Variants in MXD4 observed in about 807,000 individuals in gnomAD.
MXD4 encodes the protein MAX dimerization protein 4.
A neutral mutation model predicts 24.5 loss-of-function variants in MXD4; 16 were observed. The observed-to-expected ratio is 0.65, with a 90% CI of 0.44 to 0.99. The LOEUF is 0.99. MXD4 is among the 50% of genes least tolerant of loss of function. MXD4 has a pLI of 0.00. For synonymous variants in MXD4, 164 were observed against 134.2 expected (o/e 1.22, Z -1.54); for missense variants, 301 against 301.5 (o/e 1.00, Z 0.01).
chr4:2,250,494 T>C lies in MXD4; in HGVS notation c.*50A>G. 1 of 1,500,448 alleles carries C rather than the reference T, an allele frequency of 6.7e-7. No homozygotes were observed. The highest frequency in any genetic ancestry group is 8.9e-7 in the Non-Finnish European group (1 of 1,123,160). The allele number at this position is 1,500,448 out of a possible 1,614,324, so 92.9% of individuals were successfully genotyped here. On this transcript the variant is annotated 3_prime_UTR_variant, in exon 6 of 6. Transcript: ENST00000337190. ...GTCAACTGAAGGAGAACTGGAGGGC[T>C]GACACGCGTGGCTGGCGGGCAGGCA...
chr4:2,257,915 C>T lies in MXD4; in HGVS notation c.194+67G>A, dbSNP rs1432753302. ...CCGGGACAGGGGCAGGCTCAACGCA[C>T]CACACACCCTCAGTAAAAGGGTGGG... On this transcript the variant is annotated intron_variant, in intron 3 of 5. Coordinates refer to ENST00000337190, the MANE Select transcript of MXD4 (RefSeq NM_006454.3). 19 of 1,600,766 alleles carry T rather than the reference C, an allele frequency of 1.2e-5. No homozygotes were observed. In the Admixed American group the frequency reaches 3.2e-4, roughly 27 times the overall value.
chr4:2,261,734 G>A lies in MXD4; in HGVS notation c.155C>T (p.Pro52Leu), dbSNP rs1218003308. 1 of 1,404,432 alleles carries A rather than the reference G, an allele frequency of 7.1e-7. No homozygotes were observed. Among genetic ancestry groups the A allele is most frequent in the Non-Finnish European group, 9.3e-7 (1 of 1,070,972 alleles). The allele number at this position is 1,404,432 out of a possible 1,614,324, so 87.0% of individuals were successfully genotyped here. The change falls in exon 2 of 6, where the codon CCG becomes CTG. Residue 52 changes from proline (P) to leucine (L), a missense_variant. By Grantham distance (98) the Pro-to-Leu change is moderately conservative. Coordinates refer to ENST00000337190, the MANE Select transcript of MXD4 (RefSeq NM_006454.3). ...GAGCGGGGGGCGGTACCTGTTGTTC[G>A]GGGCCTTGCGCACCAGGCCGGCCGC... is the stretch of plus-strand genomic sequence containing the variant. ...TKAAGLVRKA[P>L]NNRSSHNELE... is the part of the protein sequence containing the mutation.
chr4:2,252,554 G>A (rs1454962735), intron 3 of MXD4, 32 bp from the exon 4 acceptor site: 1 of 1,533,172 alleles, frequency 6.5e-7, no homozygotes, highest in Admixed American at 1.7e-5. Flanking sequence ...CCATCAGGCT[G>A]GGGTGGGGGA....
At chr4:2,256,362 A>G (rs1471840926) in intron 3 of MXD4, among the ~76,000 whole-genome samples, 2 of 152,198 alleles carry the variant, frequency 1.3e-5, no homozygotes, top group Non-Finnish European at 2.9e-5. Flanking sequence ...GGGAAGTCCC[A>G]CAGGCCCTGC....
chr4:2,261,656 G>A (rs949207181), intron 2 of MXD4, 69 bp downstream of exon 2: 4 of 970,186 alleles, frequency 4.1e-6, no homozygotes, highest in Non-Finnish European at 3.9e-6. Context: ...TCGGGGCCCG[G>A]AGAGCACGCT....
At chr4:2,252,550 G>T in intron 3 of MXD4, 28 bp from the exon 4 acceptor site, 1 of 1,553,750 alleles carries the variant, frequency 6.4e-7, no homozygotes, top group Non-Finnish European at 8.8e-7. Context: ...AGAACCATCA[G>T]GCTGGGGTGG....
chr4:2,259,617 G>A (rs547472384), intron 2 of MXD4, among the ~76,000 whole-genome samples: 19 of 152,116 alleles, frequency 1.2e-4, no homozygotes, highest in Admixed American at 7.8e-4. Context: ...AGGGTGGCAC[G>A]GGGCTGGACC....
intron 4 of MXD4, among the ~76,000 whole-genome samples, chr4:2,251,804 G>A (rs189172496): frequency 3.6e-4 from 55 of 152,192 alleles, no homozygotes; most frequent in Non-Finnish European, 6.3e-4. Context: ...CAGCCTGAAG[G>A]TGACCATGCC....
intron 3 of MXD4, chr4:2,254,818 T>C (rs556011408): frequency 6.2e-6 from 1 of 160,874 alleles, no homozygotes; most frequent in East Asian, 1.9e-4. Context: ...CAGGCTGACA[T>C]GAGAAGGGAT....
rs543840480 is a variant in MXD4, at chr4:2,250,458, G to A, written c.*86C>T. 29 of 1,418,276 alleles carry A rather than the reference G, an allele frequency of 2.0e-5. No individual in the cohort carries two copies. The highest frequency in any genetic ancestry group is 2.6e-5 in the Non-Finnish European group (28 of 1,068,658). 87.9% of individuals were successfully genotyped at this position (1,418,276 alleles called of 1,614,324 possible). ...AGAATGGCACAGCAGTGGGCCTGTGGAGAGGCTGGCGTCAACTGAAGGAGA... is the reference window on the plus strand; with the variant it reads ...AGAATGGCACAGCAGTGGGCCTGTGAAGAGGCTGGCGTCAACTGAAGGAGA... On this transcript the variant is annotated 3_prime_UTR_variant, in exon 6 of 6. Coordinates refer to ENST00000337190, the MANE Select transcript of MXD4 (RefSeq NM_006454.3).
At chr4:2,250,841 G>A (rs1419731719) in intron 5 of MXD4, 140 bp from the exon 6 acceptor site, 16 of 1,249,886 alleles carry the variant, frequency 1.3e-5, no homozygotes, top group South Asian at 1.6e-5. Flanking sequence ...GCAGACGCCA[G>A]GAGGGCTCTG....
chr4:2,258,928 C>A (rs1451545409), intron 2 of MXD4: 1 of 456,158 alleles, frequency 2.2e-6, no homozygotes, highest in Non-Finnish European at 4.4e-6. Flanking sequence ...CCCAGCACCA[C>A]AGGGTGTGCC....
intron 3 of MXD4, among the ~76,000 whole-genome samples, chr4:2,257,096 C>T (rs1476288034): frequency 6.6e-6 from 1 of 152,206 alleles, no homozygotes; most frequent in African/African-American, 2.4e-5. Flanking sequence ...TGCCCAGCTG[C>T]CCGCCCCAGC....
At position 2,251,069 on chromosome 4, in the gene MXD4, C is replaced by T. The variant is rs773516504; in HGVS notation, c.472+15G>A. 2.4e-5 allele frequency: 37 copies of T among 1,546,844 alleles called. No individual in the cohort carries two copies. The highest frequency in any genetic ancestry group is 2.3e-4 in the Middle Eastern group (1 of 4,412). ...CGGAGGCCCAGGTGAGGCTGCCCCG[C>T]GCCCCACGCCCCACCTTGCTCTGAG... is the stretch of plus-strand genomic sequence containing the variant. On this transcript the variant is annotated intron_variant, in intron 5 of 5. Transcript: ENST00000337190.
intron 3 of MXD4, among the ~76,000 whole-genome samples, chr4:2,257,182 C>T (rs1400357419): frequency 6.6e-6 from 1 of 152,194 alleles, no homozygotes; most frequent in African/African-American, 2.4e-5. Flanking sequence ...GGAGAACTGG[C>T]CGAGCACCAA....
intron 3 of MXD4, chr4:2,254,794 C>T (rs937135279): frequency 6.3e-6 from 1 of 158,530 alleles, no homozygotes; most frequent in Admixed American, 5.9e-5. Context: ...GGAGGTACAA[C>T]TTGCACCCTC....
intron 3 of MXD4, among the ~76,000 whole-genome samples, chr4:2,256,638 C>T (rs368582920): frequency 2.0e-5 from 3 of 152,188 alleles, no homozygotes; most frequent in African/African-American, 4.8e-5. Flanking sequence ...TCCACAGAGA[C>T]ACCCTGGCTG....
chr4:2,251,452 G>A (rs1392641467), intron 4 of MXD4, among the ~76,000 whole-genome samples: 1 of 152,238 alleles, frequency 6.6e-6, no homozygotes, highest in Non-Finnish European at 1.5e-5. Flanking sequence ...GGCGGTCACA[G>A]TCAGATGCCA....
At position 2,261,912 on chromosome 4, in the gene MXD4, G is replaced by A; in HGVS notation, c.64+5C>T. 2.1e-6 allele frequency: 3 copies of A among 1,459,546 alleles called. No individual in the cohort carries two copies. Among genetic ancestry groups the A allele is most frequent in the South Asian group, 1.3e-5 (1 of 76,548 alleles). The allele number at this position is 1,459,546 out of a possible 1,614,324, so 90.4% of individuals were successfully genotyped here. ...CGCGGGCGCACAATGGGGTGCGAGC[G>A]CTACCTCGATCCCTGCGCTCCAGGT... On this transcript the variant is annotated splice_donor_5th_base_variant and intron_variant, in intron 1 of 5. Transcript: ENST00000337190.
Sources: gnomAD v4.1 joint callset for allele counts (sites outside exome capture counted in the v4.1 genomes callset) on GRCh38, gnomAD v4.1.1 for gene constraint, MANE v1.5 for transcripts, NCBI Gene and HGNC (gene_info 2026-07-23, HGNC 2026-07-21) for gene names.